The following ZFP37 variants were observed in gnomAD, a reference collection of about 807,000 sequenced individuals.
ZFP37 encodes the protein zinc finger protein 37 homolog.
ZFP37 carries 38 observed loss-of-function variants against 52.1 expected under a neutral mutation model. The observed-to-expected ratio is 0.73, with a 90% CI of 0.56 to 0.96. The LOEUF is 0.96. Among genes scored for constraint, ZFP37 ranks in the 40% least tolerant of loss-of-function variants. ZFP37 has a pLI of 0.00. For synonymous variants in ZFP37, 253 were observed against 259.5 expected (o/e 0.98, Z 0.24); for missense variants, 695 against 741.4 (o/e 0.94, Z 0.73).
rs1456442308 is a variant in ZFP37, at chr9:113,043,393, C to T, written c.1225G>A (p.Glu409Lys). The T allele has an allele frequency of 3.1e-6, 5 of 1,614,014 alleles. No individual in the cohort carries two copies. The Admixed American group carries it at 8.3e-5, about 27-fold the overall frequency. ...TTATACCTAAAAGACTTCCCACATTCCTTACATTCATATGGCTTCTCACCT... is the reference window on the plus strand; with the variant it reads ...TTATACCTAAAAGACTTCCCACATTTCTTACATTCATATGGCTTCTCACCT... ...HTGEKPYECK[E>K]CGKSFRYNSS... Residue 409 changes from glutamate (E) to lysine (K), a missense_variant, in exon 4 of 4, where the codon GAA becomes AAA. Physicochemically the swap from Glu to Lys is moderately conservative, Grantham distance 56. Around this residue, in one of 2 missense-constraint regions of ZFP37, gnomAD observed 326 missense variants for 400.5 expected, o/e 0.81. Transcript: ENST00000374227.
Position 113,043,306 on chromosome 9 carries a change from A to G in ZFP37, c.1312T>C (p.Cys438Arg). The G allele has an allele frequency of 6.2e-7, 1 of 1,614,026 alleles. No homozygotes were observed. Among genetic ancestry groups the G allele is most frequent in the Non-Finnish European group, 8.5e-7 (1 of 1,179,966 alleles). ...TGEIPYECNE[C>R]GKAFKYSSSL... ...GAGCTATACTTAAAGGCTTTTCCAC[A>G]TTCATTGCATTCATATGGTATTTCA... The change falls in exon 4 of 4, where the codon TGT becomes CGT. Residue 438 changes from cysteine (C) to arginine (R), a missense_variant. By Grantham distance (180) the Cys-to-Arg change is radical. Coordinates refer to ENST00000374227, the MANE Select transcript of ZFP37 (RefSeq NM_003408.3).
At chr9:113,044,912 G>A (rs1020157402) in intron 3 of ZFP37, among the ~76,000 whole-genome samples, 1 of 151,818 alleles carries the variant, frequency 6.6e-6, no homozygotes, top group African/African-American at 2.4e-5. Context: ...CATAAGAACT[G>A]CGTCTTTAAA....
intron 1 of ZFP37, among the ~76,000 whole-genome samples, chr9:113,056,339 C>T (rs1364751120): frequency 6.6e-6 from 1 of 152,184 alleles, no homozygotes; most frequent in Admixed American, 6.5e-5. Flanking sequence ...CCACAGACGC[C>T]TCCCCATCAT....
At position 113,038,510 on chromosome 9, in the gene ZFP37, T is replaced by C. The variant is rs983179087; in HGVS notation, c.*4215A>G. ...AAGAAATTAAAGATTTGGCCAAATG[T>C]GGTAGCTCACACTTTTAATCACAGC... is the stretch of plus-strand genomic sequence containing the variant. On this transcript the variant is annotated 3_prime_UTR_variant, in exon 4 of 4. Transcript: ENST00000374227. 52 of 151,764 alleles carry C rather than the reference T, an allele frequency of 3.4e-4. No homozygotes were observed. Among genetic ancestry groups the C allele is most frequent in the Admixed American group, 3.3e-3 (50 of 15,176 alleles). The allele number at this position is 151,764 out of a possible 1,614,324, so 9.4% of individuals were successfully genotyped here. A position where few individuals can be genotyped will look rare whatever the true frequency, so the allele number is the denominator to read the frequency against.
At chr9:113,054,589 A>G (rs774827925) in intron 1 of ZFP37, among the ~76,000 whole-genome samples, 3 of 152,154 alleles carry the variant, frequency 2.0e-5, no homozygotes, top group Admixed American at 6.5e-5. Flanking sequence ...AGCCACTGAC[A>G]TCACCCCAGA....
At position 113,049,514 on chromosome 9, in the gene ZFP37, C is replaced by T; in HGVS notation, c.215-18G>A. On this transcript the variant is annotated intron_variant, in intron 2 of 3. Coordinates refer to ENST00000374227, the MANE Select transcript of ZFP37 (RefSeq NM_003408.3). ...TTGACACCCTGCTCATGAGAAATAG[C>T]AGAAACTGAGTGTTAGAACAACCAT... 2 of 1,606,870 alleles carry T rather than the reference C, an allele frequency of 1.2e-6. No individual in the cohort carries two copies. The highest frequency in any genetic ancestry group is 2.2e-5 in the East Asian group (1 of 44,788).
In ZFP37 at chr9:113,044,282, C is replaced by A. The variant is rs2118691643; in HGVS notation, c.350-14G>T. 6.5e-7 allele frequency: 1 copy of A among 1,536,850 alleles called. No individual in the cohort carries two copies. Among genetic ancestry groups the A allele is most frequent in the Non-Finnish European group, 8.7e-7 (1 of 1,149,992 alleles). ...CTTTCTGGACTTCTAAAATGGAATT[C>A]AGTGAGATATTCTTGTGAATCTTTG... On this transcript the variant is annotated splice_polypyrimidine_tract_variant and intron_variant, in intron 3 of 3. Coordinates refer to ENST00000374227, the MANE Select transcript of ZFP37 (RefSeq NM_003408.3).
chr9:113,043,883 A>G lies in ZFP37; in HGVS notation c.735T>C (p.Thr245=). The G allele has an allele frequency of 6.2e-7, 1 of 1,614,012 alleles. No individual in the cohort carries two copies. Residue 245 remains threonine (T), a synonymous_variant, in exon 4 of 4, where the codon ACT becomes ACC. Transcript: ENST00000374227. ...AGCATAATTTGTCATGTTTTTTGCC[A>G]GTTTTGTTACACTTATCAGATGAGC... ...SHSSSDKCNK[T]GKKHDKLCCH...
chr9:113,047,323 G>A (rs564811762), intron 3 of ZFP37, among the ~76,000 whole-genome samples: 1 of 152,176 alleles, frequency 6.6e-6, no homozygotes, highest in East Asian at 1.9e-4. Flanking sequence ...CTGGTCTCAG[G>A]GAATTCATAC....
chr9:113,043,823 A>G lies in ZFP37; in HGVS notation c.795T>C (p.Ile265=), dbSNP rs143693724. The change falls in exon 4 of 4, where the codon ATT becomes ATC. Residue 265 remains isoleucine (I), a synonymous_variant. Transcript: ENST00000374227. ...HSSSHIKQDK[I]QTGEKHEKSP... ...ATTTCTCATGTTTCTCTCCAGTTTG[A>G]ATTTTGTCCTGTTTAATATGGGATG... The G allele has an allele frequency of 1.2e-5, 20 of 1,613,912 alleles. No individual in the cohort carries two copies. In the African/African-American group the frequency reaches 2.7e-4, roughly 22 times the overall value.
chr9:113,045,731 C>G, intron 3 of ZFP37, among the ~76,000 whole-genome samples: 1 of 152,134 alleles, frequency 6.6e-6, no homozygotes, highest in East Asian at 1.9e-4. Flanking sequence ...ATTCTTTTGC[C>G]TAAGAACCTG....
In ZFP37 at chr9:113,040,326, C is replaced by T. The variant is rs1054243845; in HGVS notation, c.*2399G>A. The T allele has an allele frequency of 2.0e-5, 3 of 152,238 alleles. No individual in the cohort carries two copies. Among genetic ancestry groups the T allele is most frequent in the Non-Finnish European group, 4.4e-5 (3 of 68,036 alleles). The allele number at this position is 152,238 out of a possible 1,614,324, so 9.4% of individuals were successfully genotyped here. A position where few individuals can be genotyped will look rare whatever the true frequency, so the allele number is the denominator to read the frequency against. ...GTTTCATCCATCTAAAAAGTGCAGGCTTTCTACAGCTCTAGACAGTGATGA... is the reference window on the plus strand; with the variant it reads ...GTTTCATCCATCTAAAAAGTGCAGGTTTTCTACAGCTCTAGACAGTGATGA... On this transcript the variant is annotated 3_prime_UTR_variant, in exon 4 of 4. Coordinates refer to ENST00000374227, the MANE Select transcript of ZFP37 (RefSeq NM_003408.3).
rs1280738020 is a variant in ZFP37 at position 113,056,531 on chromosome 9, ACACCCTGTCTCATCACAGCTCT to A, written c.132+4_132+25del. ...AAGTACACCATCTCTGACCGCCAAA[ACACCCTGTCTCATCACAGCTCT>A]CACCGCGGCGCTGGCCTCGGGCTCG... On this transcript the variant is annotated splice_donor_5th_base_variant and intron_variant, in intron 1 of 3. Transcript: ENST00000374227. 3.1e-6 allele frequency: 5 copies of A among 1,610,046 alleles called. No homozygotes were observed.
Position 113,043,230 on chromosome 9 carries a change from C to T in ZFP37, c.1388G>A (p.Cys463Tyr), listed in dbSNP as rs777845709. Reference protein sequence around the residue: ...RIHTGEKPFECNECGKAFSKK... With the variant: ...RIHTGEKPFEYNECGKAFSKK... ...GCTGAAAGCTTTCCCACATTCATTA[C>T]ATTCAAAGGGTTTCTCACCTGTATG... Residue 463 changes from cysteine to tyrosine, a missense_variant, in exon 4 of 4, where the codon TGT becomes TAT. Physicochemically the swap from Cys to Tyr is radical, Grantham distance 194. Transcript: ENST00000374227. 23 of 1,613,770 alleles carry T rather than the reference C, an allele frequency of 1.4e-5. No homozygotes were observed. The highest frequency in any genetic ancestry group is 1.8e-5 in the Non-Finnish European group (21 of 1,179,974).
chr9:113,043,545 T>C lies in ZFP37; in HGVS notation c.1073A>G (p.His358Arg), dbSNP rs78526799. The C allele has an allele frequency of 7.4e-6, 12 of 1,613,982 alleles. No homozygotes were observed. In the East Asian group the frequency reaches 2.7e-4, roughly 36 times the overall value. ...PYECIQCGKA[H>R]GHKHALTDHL... is the part of the protein sequence containing the mutation. ...GTCAGTGAGTGCATGTTTATGACCA[T>C]GGGCTTTGCCACACTGAATACATTC... Residue 358 changes from histidine to arginine, a missense_variant, in exon 4 of 4, where the codon CAT becomes CGT. Physicochemically the swap from His to Arg is conservative, Grantham distance 29 (BLOSUM62 0). Transcript: ENST00000374227.
rs1381733763 is a variant in ZFP37, at chr9:113,044,979, A to G, written c.350-711T>C. Among the ~76,000 whole-genome samples the G allele has an allele frequency of 2.6e-5, 4 of 151,780 alleles. No homozygotes were observed. The East Asian group carries it at 5.8e-4, about 22-fold the overall frequency. ...GCTTCCTAGTTCCTTCCTAGTTCCT[A>G]TTTCTAGTCCCTGGTGAGGACTGGC... On this transcript the variant is annotated intron_variant, in intron 3 of 3. Coordinates refer to ENST00000374227, the MANE Select transcript of ZFP37 (RefSeq NM_003408.3).
At chr9:113,051,988 A>G (rs1829065241) in intron 1 of ZFP37, among the ~76,000 whole-genome samples, 1 of 152,136 alleles carries the variant, frequency 6.6e-6, no homozygotes, top group East Asian at 1.9e-4. Context: ...AGACACTCCA[A>G]TCACATATTC....
chr9:113,049,385 G>A lies in ZFP37; in HGVS notation c.326C>T (p.Pro109Leu). 6.2e-7 allele frequency: 1 copy of A among 1,613,406 alleles called. No homozygotes were observed. Among genetic ancestry groups the A allele is most frequent in the Non-Finnish European group, 8.5e-7 (1 of 1,179,786 alleles). Reference sequence around the variant, plus strand: ...ACTTCCATCAGTTTCTTTTTGCTTGGGTCTTGCTATTTTACTTGGACAACC... The same window carrying A: ...ACTTCCATCAGTTTCTTTTTGCTTGAGTCTTGCTATTTTACTTGGACAACC... ...SQGCPSKIAR[P>L]KQKETDGKVQ... is the part of the protein sequence containing the mutation. The change falls in exon 3 of 4, where the codon CCC (proline) becomes CTC (leucine). Residue 109 changes from proline to leucine, a missense_variant. Transcript: ENST00000374227.
chr9:113,048,458 G>A (rs966196095), intron 3 of ZFP37, among the ~76,000 whole-genome samples: 8 of 152,124 alleles, frequency 5.3e-5, no homozygotes, highest in African/African-American at 1.9e-4. Context: ...AAGGGAGGAT[G>A]CTTTTTTTAA....
Sources: allele counts gnomAD v4.1 joint callset (sites outside exome capture counted in the v4.1 genomes callset), GRCh38; gene constraint gnomAD v4.1.1; regional missense constraint gnomAD v4.1.1; transcripts MANE v1.5; gene names NCBI Gene and HGNC (gene_info 2026-07-23, HGNC 2026-07-21).